Variants in AK7 observed in about 807,000 individuals in gnomAD.
AK7 encodes ATP-AMP transphosphorylase 7.
In AK7, 78 loss-of-function variants were observed where a neutral mutation model predicts 96.6. The ratio of observed to expected loss-of-function variants is 0.81; its 90% CI spans 0.67 to 0.97. The LOEUF (loss-of-function observed/expected upper bound fraction) is 0.97. Among genes scored for constraint, AK7 ranks in the 50% least tolerant of loss-of-function variants. The pLI is 0.00. For missense variants in AK7, 855 were observed against 887.9 expected (o/e 0.96, Z 0.47); for synonymous variants, 302 against 317.2 (o/e 0.95, Z 0.51).
intron 8 of AK7, among the ~76,000 whole-genome samples, chr14:96,449,081 G>T (rs1418907692): frequency 3.9e-5 from 6 of 152,142 alleles, no homozygotes; most frequent in Admixed American, 2.0e-4. Context: ...GAGAGGCTAA[G>T]GCACTCTCTG....
At chr14:96,427,071 C>T (rs1050196881) in intron 5 of AK7, among the ~76,000 whole-genome samples, 2 of 152,100 alleles carry the variant, frequency 1.3e-5, no homozygotes, top group Non-Finnish European at 2.9e-5. Context: ...CATGGAGAAA[C>T]CCCGTCTCTA....
At position 96,478,572 on chromosome 14, in the gene AK7, C is replaced by T. The variant is rs199926758; in HGVS notation, c.1663C>T (p.Arg555Trp). The change falls in exon 15 of 18, where the codon CGG becomes TGG. Residue 555 changes from arginine (R) to tryptophan (W), a missense_variant. Physicochemically the swap from Arg to Trp is moderately radical, Grantham distance 101 (BLOSUM62 -3). Coordinates refer to ENST00000267584, the MANE Select transcript of AK7 (RefSeq NM_152327.5). ...GTHYSQDRFL[R>W]ALSNYRDINI... ...CCACTACAGCCAAGACCGATTCCTC[C>T]GGGCTCTGAGCAACTACCGGGACAT... The T allele has an allele frequency of 3.5e-5, 57 of 1,614,180 alleles. No individual in the cohort carries two copies. The highest frequency in any genetic ancestry group is 8.8e-5 in the South Asian group (8 of 91,076).
intron 3 of AK7, among the ~76,000 whole-genome samples, chr14:96,406,210 C>T (rs1023383005): frequency 1.3e-5 from 2 of 152,134 alleles, no homozygotes; most frequent in Non-Finnish European, 2.9e-5. Flanking sequence ...AGCCACTGTG[C>T]CCGGCCAAGC....
chr14:96,439,663 C>CA (rs58424748), intron 6 of AK7, among the ~76,000 whole-genome samples: 46 of 109,610 alleles, frequency 4.2e-4, no homozygotes, highest in Admixed American at 1.2e-3. Context: ...GACTCCATCT[C>CA]AAAAAAAAAA....
intron 5 of AK7, among the ~76,000 whole-genome samples, chr14:96,436,992 A>C (rs1367722199): frequency 6.8e-6 from 1 of 146,760 alleles, no homozygotes; most frequent in Non-Finnish European, 1.5e-5. Flanking sequence ...AGCAGAACTC[A>C]TATCAATAAT....
intron 5 of AK7, 122 bp from the exon 6 acceptor site, chr14:96,437,713 T>TCAGTATTG: frequency 1.5e-6 from 1 of 663,952 alleles, no homozygotes; most frequent in Non-Finnish European, 2.6e-6. Flanking sequence ...CGAACAATAC[T>TCAGTATTG]CAGTAACCTG....
In AK7 at chr14:96,488,594, C is replaced by T. The variant is rs1595476131; in HGVS notation, c.*251C>T. ...ACAAATACTGATTTAATATTTTATTCTTTAGTCAGATCTAAATATACCGCT... is the reference window on the plus strand; with the variant it reads ...ACAAATACTGATTTAATATTTTATTTTTTAGTCAGATCTAAATATACCGCT... On this transcript the variant is annotated 3_prime_UTR_variant, in exon 18 of 18. Coordinates refer to ENST00000267584, the MANE Select transcript of AK7 (RefSeq NM_152327.5). The T allele has an allele frequency of 2.6e-6, 1 of 379,842 alleles. No individual in the cohort carries two copies. Among genetic ancestry groups the T allele is most frequent in the South Asian group, 4.7e-5 (1 of 21,150 alleles). The allele number at this position is 379,842 out of a possible 1,614,324, so 23.5% of individuals were successfully genotyped here. A position where few individuals can be genotyped will look rare whatever the true frequency, so the allele number is the denominator to read the frequency against.
Position 96,478,661 on chromosome 14 carries a change from T to G in AK7, c.1752T>G (p.Ile584Met), listed in dbSNP as rs772475181. 5.6e-6 allele frequency: 9 copies of G among 1,613,218 alleles called. No individual in the cohort carries two copies. The East Asian group carries it at 1.8e-4, about 32-fold the overall frequency. The part of the protein sequence containing the change: ...FDELEIHPIH[I>M]DVGKLEDAQN... ...AACTTGAAATTCACCCGATACATATTGGTATGAAATGAATTCAAGGATAAT... is the reference window on the plus strand; with the variant it reads ...AACTTGAAATTCACCCGATACATATGGGTATGAAATGAATTCAAGGATAAT... The change falls in exon 15 of 18, where the codon ATT becomes ATG. Residue 584 changes from isoleucine to methionine, a missense_variant and splice_region_variant. Transcript: ENST00000267584.
At chr14:96,415,834 T>TTAATTAAATTAATTTAATAC in intron 4 of AK7, among the ~76,000 whole-genome samples, 1 of 151,136 alleles carries the variant, frequency 6.6e-6, no homozygotes, top group Non-Finnish European at 1.5e-5. Context: ...ATAATTAAGG[T>TTAATTAAATTAATTTAATAC]ATCAATTTTA....
intron 4 of AK7, among the ~76,000 whole-genome samples, chr14:96,409,701 T>TA (rs759563332): frequency 1.3e-5 from 2 of 152,240 alleles, no homozygotes; most frequent in Admixed American, 6.5e-5. Context: ...CAACTCAGTA[T>TA]AAAACTCCTG....
chr14:96,435,033 G>A (rs758820699), intron 5 of AK7, among the ~76,000 whole-genome samples: 14 of 152,180 alleles, frequency 9.2e-5, no homozygotes, highest in Admixed American at 2.0e-4. Flanking sequence ...GGCAGGTCCA[G>A]AAATGCCATT....
intron 4 of AK7, 143 bp downstream of exon 4, chr14:96,409,084 C>T: frequency 1.3e-6 from 1 of 790,116 alleles, no homozygotes; most frequent in Non-Finnish European, 2.0e-6. Context: ...GCAGAGTTTA[C>T]TGACTCTAAG....
chr14:96,406,322 T>G (rs1890709617), intron 3 of AK7, among the ~76,000 whole-genome samples: 1 of 152,222 alleles, frequency 6.6e-6, no homozygotes, highest in African/African-American at 2.4e-5. Flanking sequence ...GCATTGGCCT[T>G]TCTTAGGACC....
chr14:96,457,419 G>A (rs1034564375), intron 11 of AK7, among the ~76,000 whole-genome samples: 6 of 152,022 alleles, frequency 3.9e-5, no homozygotes, highest in African/African-American at 1.4e-4. Flanking sequence ...GCTTTTTTTA[G>A]TTTTATAATA....
At chr14:96,460,435 G>A (rs749153178) in intron 12 of AK7, among the ~76,000 whole-genome samples, 5 of 152,138 alleles carry the variant, frequency 3.3e-5, no homozygotes, top group Middle Eastern at 3.2e-3. Context: ...CAGGGGAGAA[G>A]GACAGAGAAG....
intron 14 of AK7, among the ~76,000 whole-genome samples, chr14:96,474,766 T>C (rs1194184925): frequency 6.6e-6 from 1 of 152,276 alleles, no homozygotes; most frequent in African/African-American, 2.4e-5. Context: ...AACTCTGTGC[T>C]AAATCATAAC....
chr14:96,455,082 G>T (rs558088348), intron 10 of AK7, among the ~76,000 whole-genome samples: 1 of 152,076 alleles, frequency 6.6e-6, no homozygotes, highest in Non-Finnish European at 1.5e-5. Flanking sequence ...CAGGAGAATC[G>T]CTTGAACCCA....
intron 5 of AK7, among the ~76,000 whole-genome samples, chr14:96,429,464 T>C (rs530895345): frequency 1.7e-4 from 26 of 152,336 alleles, no homozygotes; most frequent in African/African-American, 6.3e-4. Context: ...TGGTTCCGTA[T>C]GAACTTTAAA....
intron 10 of AK7, among the ~76,000 whole-genome samples, chr14:96,451,841 G>A (rs927470209): frequency 6.6e-6 from 1 of 152,050 alleles, no homozygotes; most frequent in African/African-American, 2.4e-5. Flanking sequence ...AATAATGTAT[G>A]CAAAATTATC....
Sources: gnomAD v4.1 joint callset for allele counts (sites outside exome capture counted in the v4.1 genomes callset) on GRCh38, gnomAD v4.1.1 for gene constraint, MANE v1.5 for transcripts, NCBI Gene and HGNC (gene_info 2026-07-23, HGNC 2026-07-21) for gene names.